The following HEY1 variants were observed in gnomAD, a reference collection of about 807,000 sequenced individuals.
HEY1 encodes the protein hes related family bHLH transcription factor with YRPW motif 1.
Under a neutral mutation model 28.7 loss-of-function variants are expected in HEY1, and 9 were observed. That is an observed-to-expected ratio of 0.31 (90% CI 0.19 to 0.55). HEY1 has a LOEUF of 0.55. Ranked by LOEUF, HEY1 falls within the 20% of genes least tolerant of loss-of-function variation. The pLI is 0.93. For synonymous variants in HEY1, 213 were observed against 175.6 expected (o/e 1.21, Z -1.68); for missense variants, 385 against 399.4 (o/e 0.96, Z 0.31).
At chr8:79,767,467 G>A (rs1318040194) in intron 1 of HEY1, 108 bp downstream of exon 1, 3 of 1,205,632 alleles carry the variant, frequency 2.5e-6, no homozygotes, top group Non-Finnish European at 3.5e-6. Context: ...ACGCGCGGAG[G>A]TCAGCGCAGG....
At position 79,764,713 on chromosome 8, in the gene HEY1, C is replaced by T. The variant is rs572170580; in HGVS notation, c.*475G>A. The T allele has an allele frequency of 4.5e-6, 1 of 221,724 alleles. No homozygotes were observed. The highest frequency in any genetic ancestry group is 1.8e-4 in the South Asian group (1 of 5,442). 13.7% of individuals were successfully genotyped at this position (221,724 alleles called of 1,614,324 possible). A position where few individuals can be genotyped will look rare whatever the true frequency, so the allele number is the denominator to read the frequency against. On this transcript the variant is annotated 3_prime_UTR_variant, in exon 5 of 5. Coordinates refer to ENST00000354724, the MANE Select transcript of HEY1 (RefSeq NM_012258.4). ...CCCCAAAAGAATATTATTTATACAA[C>T]ACCTTAATCTGTCAAAATATTAACA... is the stretch of plus-strand genomic sequence containing the variant.
intron 4 of HEY1, chr8:79,766,382 G>A (rs189129706): frequency 6.9e-7 from 1 of 1,459,364 alleles, no homozygotes; most frequent in Non-Finnish European, 9.0e-7. Context: ...CTGAATCAGG[G>A]CTGTCACAAC....
chr8:79,765,141 CCAGCT>C lies in HEY1; in HGVS notation c.*42_*46del. ...AAGGTGATGTTGGCAACAGTCCAGC[CCAGCT>C]GGGATTTTAAACTTTCCCCTCCCTC... On this transcript the variant is annotated 3_prime_UTR_variant, in exon 5 of 5. Transcript: ENST00000354724. The C allele has an allele frequency of 7.4e-7, 1 of 1,355,720 alleles. No individual in the cohort carries two copies. Among genetic ancestry groups the C allele is most frequent in the Non-Finnish European group, 1.0e-6 (1 of 995,830 alleles). 84.0% of individuals were successfully genotyped at this position (1,355,720 alleles called of 1,614,324 possible).
Position 79,767,358 on chromosome 8 carries a change from G to C in HEY1, c.90-64C>G, listed in dbSNP as rs567458611. 4.2e-6 allele frequency: 6 copies of C among 1,443,116 alleles called. No individual in the cohort carries two copies. The East Asian group carries it at 6.8e-5, about 16-fold the overall frequency. The allele number at this position is 1,443,116 out of a possible 1,614,324, so 89.4% of individuals were successfully genotyped here. On this transcript the variant is annotated intron_variant, in intron 1 of 4. Coordinates refer to ENST00000354724, the MANE Select transcript of HEY1 (RefSeq NM_012258.4). ...CGTTAAACGAGGAGAGGTGATCTGA[G>C]AGGTCGCCCCCACACCCTCCCCGCA...
At position 79,764,776 on chromosome 8, in the gene HEY1, AAATT is replaced by A. The variant is rs1363644652; in HGVS notation, c.*408_*411del. On this transcript the variant is annotated 3_prime_UTR_variant, in exon 5 of 5. Transcript: ENST00000354724. Reference sequence around the variant, plus strand: ...TTAACATTAAGCATAGTGGTTTGGAAAATTAATTCTAAAAACAGACCATAACTAT... The same window carrying A: ...TTAACATTAAGCATAGTGGTTTGGAAAATTCTAAAAACAGACCATAACTAT... The A allele has an allele frequency of 2.7e-5, 6 of 224,740 alleles. No individual in the cohort carries two copies. Among genetic ancestry groups the A allele is most frequent in the Middle Eastern group, 1.4e-3 (1 of 738 alleles). The allele number at this position is 224,740 out of a possible 1,614,324, so 13.9% of individuals were successfully genotyped here.
Position 79,767,707 on chromosome 8 carries a change from A to T in HEY1, c.-44T>A. On this transcript the variant is annotated 5_prime_UTR_variant, in exon 1 of 5. Transcript: ENST00000354724. ...CCTGGGGAGGGTCGGCGCGGCGGGC[A>T]GGGAGGAGTTAACTACAGCGGCGCC... is the stretch of plus-strand genomic sequence containing the variant. The T allele has an allele frequency of 6.8e-7, 1 of 1,460,940 alleles. No homozygotes were observed. Among genetic ancestry groups the T allele is most frequent in the African/African-American group, 1.4e-5 (1 of 71,432 alleles). 90.5% of individuals were successfully genotyped at this position (1,460,940 alleles called of 1,614,324 possible). A position where few individuals can be genotyped will look rare whatever the true frequency, so the allele number is the denominator to read the frequency against.
In HEY1 at chr8:79,765,614, G is replaced by C. The variant is rs764929384; in HGVS notation, c.489C>G (p.Ser163=). The C allele has an allele frequency of 6.2e-7, 1 of 1,614,170 alleles. No homozygotes were observed. The highest frequency in any genetic ancestry group is 1.7e-5 in the Admixed American group (1 of 60,034). Residue 163 remains serine, a synonymous_variant, in exon 5 of 5, where the codon TCC becomes TCG. Coordinates refer to ENST00000354724, the MANE Select transcript of HEY1 (RefSeq NM_012258.4). ...GGGCGCCGCTCGCGGCTTCCCGCTG[G>C]GAAGCGTAGTTGTTGAGATGCGAAA... ...RLVSHLNNYA[S]QREAASGAHA...
Position 79,764,231 on chromosome 8 carries a change from T to G in HEY1, c.*957A>C, listed in dbSNP as rs1487030978. On this transcript the variant is annotated 3_prime_UTR_variant, in exon 5 of 5. Transcript: ENST00000354724. ...CCATGCACCAAAAGGAAAACTCACA[T>G]AAAAATTTCCAGTTAAAAGAAAATA... The G allele has an allele frequency of 9.0e-6, 2 of 221,056 alleles. No individual in the cohort carries two copies. Among genetic ancestry groups the G allele is most frequent in the African/African-American group, 4.5e-5 (2 of 44,634 alleles). 13.7% of individuals were successfully genotyped at this position (221,056 alleles called of 1,614,324 possible). A position where few individuals can be genotyped will look rare whatever the true frequency, so the allele number is the denominator to read the frequency against.
chr8:79,765,826 T>C, intron 4 of HEY1, 55 bp from the exon 5 acceptor site: 3 of 1,488,684 alleles, frequency 2.0e-6, no homozygotes, highest in Non-Finnish European at 2.7e-6. Flanking sequence ...CCCTCATTTC[T>C]TAAGTCCCAG....
chr8:79,766,797 G>A, intron 3 of HEY1, 65 bp from the exon 4 acceptor site: 3 of 1,511,728 alleles, frequency 2.0e-6, no homozygotes, highest in Non-Finnish European at 1.8e-6. Context: ...TTTAAAATAT[G>A]CAAACATATA....
At position 79,767,278 on chromosome 8, in the gene HEY1, G is replaced by A. The variant is rs752584773; in HGVS notation, c.106C>T (p.Leu36=). Residue 36 remains leucine, a synonymous_variant, in exon 2 of 5, where the codon CTA becomes TTA. Coordinates refer to ENST00000354724, the MANE Select transcript of HEY1 (RefSeq NM_012258.4). ...ADENGNLSSA[L]GSMSPTTSSQ... ...GATGTAGTTGGGGACATGGAACCTA[G>A]AGCCGAACTCAAGTTTCTGAAAAGA... 1.2e-6 allele frequency: 2 copies of A among 1,612,664 alleles called. No homozygotes were observed. Among genetic ancestry groups the A allele is most frequent in the African/African-American group, 1.3e-5 (1 of 74,774 alleles).
chr8:79,766,771 T>G (rs779797269), intron 3 of HEY1, 39 bp from the exon 4 acceptor site: 1 of 1,591,010 alleles, frequency 6.3e-7, no homozygotes, highest in Non-Finnish European at 8.6e-7. Flanking sequence ...TTGGCACAAG[T>G]TCCTTTGGGG....
At chr8:79,766,877 G>A in intron 3 of HEY1, 132 bp downstream of exon 3, 2 of 1,179,320 alleles carry the variant, frequency 1.7e-6, no homozygotes, top group South Asian at 1.3e-5. Flanking sequence ...CACAAAATAC[G>A]CTGGTATCTG....
rs1807794564 is a variant in HEY1, at chr8:79,765,090, T to TC, written c.*97dup. On this transcript the variant is annotated 3_prime_UTR_variant, in exon 5 of 5. Transcript: ENST00000354724. ...AAAATTATCTGAAAGTGTACCTTTT[T>TC]CCTTTTTACTTTTACTGACGACTTT... is the stretch of plus-strand genomic sequence containing the variant. The TC allele has an allele frequency of 2.7e-6, 2 of 752,948 alleles. No homozygotes were observed. Among genetic ancestry groups the TC allele is most frequent in the Non-Finnish European group, 4.0e-6 (2 of 501,190 alleles). 46.6% of individuals were successfully genotyped at this position (752,948 alleles called of 1,614,324 possible). A position where few individuals can be genotyped will look rare whatever the true frequency, so the allele number is the denominator to read the frequency against.
chr8:79,765,784 A>G lies in HEY1; in HGVS notation c.332-13T>C. On this transcript the variant is annotated splice_polypyrimidine_tract_variant and intron_variant, in intron 4 of 4. Transcript: ENST00000354724. ...GCGTCAAAGTAACCTAAGCAAAAGA[A>G]CAAAAGAAAAATCTCAGGGCTTTGC... is the stretch of plus-strand genomic sequence containing the variant. 1 of 1,588,944 alleles carries G rather than the reference A, an allele frequency of 6.3e-7. No homozygotes were observed. Among genetic ancestry groups the G allele is most frequent in the Non-Finnish European group, 8.6e-7 (1 of 1,164,830 alleles).
In HEY1 at chr8:79,767,152, C is replaced by T. The variant is rs1221269555; in HGVS notation, c.166-60G>A. The T allele has an allele frequency of 1.9e-6, 3 of 1,544,840 alleles. No homozygotes were observed. In the South Asian group the frequency reaches 3.5e-5, roughly 18 times the overall value. On this transcript the variant is annotated intron_variant, in intron 2 of 4. Coordinates refer to ENST00000354724, the MANE Select transcript of HEY1 (RefSeq NM_012258.4). ...CCATTACGACTGTAAATTTCAAAGA[C>T]AAAAAAAAAGGTGGTTATTTCCGTT... is the stretch of plus-strand genomic sequence containing the variant.
In HEY1 at chr8:79,765,790, G is replaced by A. The variant is rs1459843520; in HGVS notation, c.332-19C>T. On this transcript the variant is annotated intron_variant, in intron 4 of 4. Coordinates refer to ENST00000354724, the MANE Select transcript of HEY1 (RefSeq NM_012258.4). ...AAGTAACCTAAGCAAAAGAACAAAA[G>A]AAAAATCTCAGGGCTTTGCCCGTTT... The A allele has an allele frequency of 3.2e-6, 5 of 1,583,094 alleles. No individual in the cohort carries two copies. In the Admixed American group the frequency reaches 5.4e-5, roughly 17 times the overall value.
In HEY1 at chr8:79,765,147, G is replaced by A. The variant is rs978862126; in HGVS notation, c.*41C>T. ...ATGTTGGCAACAGTCCAGCCCAGCT[G>A]GGATTTTAAACTTTCCCCTCCCTCA... On this transcript the variant is annotated 3_prime_UTR_variant, in exon 5 of 5. Coordinates refer to ENST00000354724, the MANE Select transcript of HEY1 (RefSeq NM_012258.4). 7.1e-7 allele frequency: 1 copy of A among 1,401,676 alleles called. No individual in the cohort carries two copies. Among genetic ancestry groups the A allele is most frequent in the South Asian group, 1.4e-5 (1 of 72,478 alleles). 86.8% of individuals were successfully genotyped at this position (1,401,676 alleles called of 1,614,324 possible). A position where few individuals can be genotyped will look rare whatever the true frequency, so the allele number is the denominator to read the frequency against.
At position 79,766,487 on chromosome 8, in the gene HEY1, T is replaced by G. The variant is rs572468195; in HGVS notation, c.331+164A>C. On this transcript the variant is annotated intron_variant, in intron 4 of 4. Transcript: ENST00000354724. ...GTGGTGAATTCACTGGAGAAGATTC[T>G]ATGTGCATTCGAAAATGTACTGACA... 34 of 1,506,906 alleles carry G rather than the reference T, an allele frequency of 2.3e-5. 1 individual carries two copies. In the African/African-American group the frequency reaches 3.5e-4, roughly 15 times the overall value. The allele number at this position is 1,506,906 out of a possible 1,614,324, so 93.3% of individuals were successfully genotyped here.
Sources: allele counts gnomAD v4.1 joint callset, GRCh38; gene constraint gnomAD v4.1.1; transcripts MANE v1.5; gene names NCBI Gene and HGNC (gene_info 2026-07-23, HGNC 2026-07-21).